The following RNF220 variants were observed in gnomAD, a reference collection of about 807,000 sequenced individuals.
The protein encoded by RNF220 is ring finger protein 220, also known as E3 ubiquitin-protein ligase RNF220.
In RNF220, 7 loss-of-function variants were observed where a neutral mutation model predicts 67.1. The observed-to-expected ratio is 0.10, with a 90% CI of 0.06 to 0.20. RNF220 has a LOEUF of 0.20. RNF220 is among the 10% of genes least tolerant of loss of function. The pLI, the probability that RNF220 is intolerant of heterozygous loss-of-function variation, is 1.00. For synonymous variants in RNF220, 270 were observed against 283.2 expected (o/e 0.95, Z 0.47); for missense variants, 565 against 740.3 (o/e 0.76, Z 2.75).
chr1:44,506,491 G>A (rs1027003683), intron 2 of RNF220, among the ~76,000 whole-genome samples: 1 of 152,258 alleles, frequency 6.6e-6, no homozygotes, highest in Non-Finnish European at 1.5e-5. Context: ...CTCCACTCGG[G>A]GCAGCCTTTT....
chr1:44,575,361 T>C (rs1664731792), intron 2 of RNF220, among the ~76,000 whole-genome samples: 2 of 152,252 alleles, frequency 1.3e-5, no homozygotes, highest in Admixed American at 6.5e-5. Context: ...TTCATTTTTT[T>C]AATGGCTAAA....
At chr1:44,568,752 C>T (rs1036660521) in intron 2 of RNF220, among the ~76,000 whole-genome samples, 3 of 152,168 alleles carry the variant, frequency 2.0e-5, no homozygotes, top group Non-Finnish European at 4.4e-5. Context: ...TGGGTGGAGT[C>T]CGAGCTCCCC....
At chr1:44,499,726 A>G (rs1000684551) in intron 2 of RNF220, among the ~76,000 whole-genome samples, 9 of 147,358 alleles carry the variant, frequency 6.1e-5, no homozygotes, top group African/African-American at 2.2e-4. Flanking sequence ...CCCCTGAACT[A>G]CAAATTCACC....
At chr1:44,579,002 A>G (rs1045947073) in intron 2 of RNF220, among the ~76,000 whole-genome samples, 14 of 152,102 alleles carry the variant, frequency 9.2e-5, no homozygotes, top group Non-Finnish European at 1.9e-4. Context: ...CAACTCTACT[A>G]AAAATACAAA....
chr1:44,636,402 G>T lies in RNF220; in HGVS notation c.1126+240G>T, dbSNP rs1042155525. 4.1e-6 allele frequency: 3 copies of T among 726,172 alleles called. No individual in the cohort carries two copies. In the South Asian group the frequency reaches 4.4e-5, roughly 11 times the overall value. 45.0% of individuals were successfully genotyped at this position (726,172 alleles called of 1,614,324 possible). On this transcript the variant is annotated intron_variant, in intron 8 of 14. Transcript: ENST00000361799. ...AGGCTGCAAGCTAGGAGTGACGAAGGGGGGCTCTCAGCTTCGGGTGATGCA... is the reference window on the plus strand; with the variant it reads ...AGGCTGCAAGCTAGGAGTGACGAAGTGGGGCTCTCAGCTTCGGGTGATGCA...
chr1:44,526,861 C>T (rs778468102), intron 2 of RNF220, among the ~76,000 whole-genome samples: 26 of 152,088 alleles, frequency 1.7e-4, no homozygotes, highest in Non-Finnish European at 3.4e-4. Flanking sequence ...CCCACTTCTT[C>T]ACTGACATTC....
At chr1:44,490,484 A>G (rs970698173) in intron 2 of RNF220, among the ~76,000 whole-genome samples, 1 of 152,128 alleles carries the variant, frequency 6.6e-6, no homozygotes, top group East Asian at 1.9e-4. Context: ...TCCAAAAAAA[A>G]AAAAAGAAAT....
intron 2 of RNF220, among the ~76,000 whole-genome samples, chr1:44,502,808 C>T (rs969996486): frequency 5.3e-5 from 8 of 151,986 alleles, no homozygotes; most frequent in African/African-American, 1.9e-4. Flanking sequence ...CTCAGTCGCC[C>T]AGGCTGGTGT....
At chr1:44,614,488 T>C (rs1339443803) in intron 3 of RNF220, among the ~76,000 whole-genome samples, 191 bp downstream of exon 3, 1 of 152,174 alleles carries the variant, frequency 6.6e-6, no homozygotes, top group Non-Finnish European at 1.5e-5. Context: ...CTCTTCTTGC[T>C]CTATTTTTGG....
intron 2 of RNF220, among the ~76,000 whole-genome samples, chr1:44,506,224 T>C (rs963350643): frequency 6.6e-6 from 1 of 152,174 alleles, no homozygotes; most frequent in Admixed American, 6.5e-5. Flanking sequence ...CAGAGAGGGC[T>C]GGGTATGCAG....
intron 2 of RNF220, among the ~76,000 whole-genome samples, chr1:44,533,194 A>G (rs1321718951): frequency 6.6e-6 from 1 of 152,200 alleles, no homozygotes; most frequent in Non-Finnish European, 1.5e-5. Context: ...GTGTGAGTTT[A>G]AAGCTTTAAG....
intron 2 of RNF220, among the ~76,000 whole-genome samples, chr1:44,492,239 G>T (rs752747347): frequency 6.6e-6 from 1 of 152,210 alleles, no homozygotes; most frequent in Non-Finnish European, 1.5e-5. Context: ...CCATTAGGAT[G>T]TATATAATCA....
chr1:44,650,041 G>A lies in RNF220; in HGVS notation c.1629+84G>A. ...GTGCTTATGCCTGAGCCTGCCTGGG[G>A]GAAGTGGGGAGCATGGCGCAAAGGA... On this transcript the variant is annotated intron_variant, in intron 14 of 14. Transcript: ENST00000361799. The surrounding 1 kb of genome is among the most constrained non-coding windows in gnomAD (Gnocchi z 4.3). The A allele has an allele frequency of 7.1e-7, 1 of 1,410,908 alleles. No homozygotes were observed. The highest frequency in any genetic ancestry group is 9.8e-7 in the Non-Finnish European group (1 of 1,016,408). The allele number at this position is 1,410,908 out of a possible 1,614,324, so 87.4% of individuals were successfully genotyped here.
At chr1:44,457,495 G>A (rs909476130) in intron 2 of RNF220, among the ~76,000 whole-genome samples, 6 of 151,826 alleles carry the variant, frequency 4.0e-5, no homozygotes, top group South Asian at 2.1e-4. Context: ...CTAGAAAGAC[G>A]GGCAAGAGGG....
chr1:44,612,820 G>A (rs1407059438), intron 2 of RNF220, among the ~76,000 whole-genome samples: 1 of 5,156 alleles, frequency 1.9e-4, no homozygotes, highest in Non-Finnish European at 8.8e-3. Flanking sequence ...TGTGGAATCT[G>A]GCAACCCCTT....
At position 44,480,927 on chromosome 1, in the gene RNF220, T is replaced by C. The variant is rs138534760; in HGVS notation, c.625+68205T>C. Among the ~76,000 whole-genome samples the C allele has an allele frequency of 1.4e-3, 207 of 152,126 alleles. 2 individuals are homozygous for C. The highest frequency in any genetic ancestry group is 4.7e-3 in the African/African-American group (196 of 41,512). ...TAAAATAAAATAGAAAATGATGAGT[T>C]ACGTCAAATGCTCCTGGGAGATCAA... On this transcript the variant is annotated intron_variant, in intron 2 of 14. Transcript: ENST00000361799.
At chr1:44,433,319 C>G (rs1329154498) in intron 2 of RNF220, among the ~76,000 whole-genome samples, 1 of 152,160 alleles carries the variant, frequency 6.6e-6, no homozygotes, top group Non-Finnish European at 1.5e-5. Flanking sequence ...CTGTGGGCCC[C>G]TGACATTGGC....
chr1:44,413,971 T>C (rs1436769631), intron 2 of RNF220, among the ~76,000 whole-genome samples: 1 of 152,242 alleles, frequency 6.6e-6, no homozygotes, highest in Non-Finnish European at 1.5e-5. Flanking sequence ...CATCATAAAA[T>C]CAACCTGCCT....
intron 2 of RNF220, among the ~76,000 whole-genome samples, chr1:44,539,485 C>A (rs888934228): frequency 6.6e-5 from 10 of 152,200 alleles, no homozygotes; most frequent in African/African-American, 2.2e-4. Flanking sequence ...GAGCAAGACA[C>A]AAGGATTCAC....
Sources: allele counts gnomAD v4.1 joint callset (sites outside exome capture counted in the v4.1 genomes callset), GRCh38; gene constraint gnomAD v4.1.1; non-coding constraint Gnocchi (gnomAD v3.1); transcripts MANE v1.5; gene names NCBI Gene and HGNC (gene_info 2026-07-23, HGNC 2026-07-21).